Variants in TFDP2 observed in about 807,000 individuals in gnomAD.
TFDP2 encodes transcription factor Dp-2 (E2F dimerization partner 2).
A neutral mutation model predicts 59.3 loss-of-function variants in TFDP2; 17 were observed. That is an observed-to-expected ratio of 0.29 (90% CI 0.20 to 0.43). TFDP2 has a LOEUF of 0.43. Ranked by LOEUF, TFDP2 falls within the 20% of genes least tolerant of loss-of-function variation. The pLI is 1.00. For missense variants in TFDP2, 391 were observed against 528.8 expected (o/e 0.74, Z 2.56); for synonymous variants, 180 against 194.7 (o/e 0.92, Z 0.63).
chr3:142,055,447 T>TCA (rs1047455073), intron 3 of TFDP2, among the ~76,000 whole-genome samples: 3 of 152,182 alleles, frequency 2.0e-5, no homozygotes, highest in African/African-American at 7.2e-5. Context: ...CTAGGCAAGG[T>TCA]CACTTGTTTT....
chr3:142,045,217 G>C (rs567770200), intron 3 of TFDP2, among the ~76,000 whole-genome samples: 1 of 147,740 alleles, frequency 6.8e-6, no homozygotes, highest in Non-Finnish European at 1.5e-5. Flanking sequence ...GCAGTGGCAC[G>C]ATCACGATCT....
chr3:141,969,164 AC>A (rs1939201743), intron 9 of TFDP2, among the ~76,000 whole-genome samples: 1 of 73,082 alleles, frequency 1.4e-5, no homozygotes, highest in African/African-American at 1.0e-4. Context: ...TATATATATA[AC>A]ATATATATAT....
intron 3 of TFDP2, among the ~76,000 whole-genome samples, chr3:142,053,102 C>T (rs968573579): frequency 9.8e-5 from 15 of 152,302 alleles, no homozygotes; most frequent in African/African-American, 3.4e-4. Flanking sequence ...GCCACCGCGC[C>T]CAGCCCAGAT....
rs1157976475 is a variant in TFDP2, at chr3:141,951,599, A to G, written c.*914T>C. 1.3e-5 allele frequency: 2 copies of G among 152,670 alleles called. No homozygotes were observed. Among genetic ancestry groups the G allele is most frequent in the South Asian group, 2.1e-4 (1 of 4,832 alleles). 9.5% of individuals were successfully genotyped at this position (152,670 alleles called of 1,614,324 possible). On this transcript the variant is annotated 3_prime_UTR_variant, in exon 13 of 13. Coordinates refer to ENST00000489671, the MANE Select transcript of TFDP2 (RefSeq NM_001178139.2). ...ATTGCACACTGGGTGAGATCATACA[A>G]TTACTGCAGGGAACTGTAGGCAAGC...
intron 3 of TFDP2, among the ~76,000 whole-genome samples, chr3:142,019,765 TAGCCAC>T (rs535830506): frequency 0.015 from 2,283 of 152,240 alleles, 48 homozygotes; most frequent in Non-Finnish European, 0.016. Context: ...CCCCCTGAGT[TAGCCAC>T]TTTTAATGAA....
At chr3:142,039,988 C>T (rs1946880634) in intron 3 of TFDP2, among the ~76,000 whole-genome samples, 2 of 152,134 alleles carry the variant, frequency 1.3e-5, no homozygotes, top group African/African-American at 2.4e-5. Context: ...ATGTCACAGG[C>T]AATTGGCCTG....
chr3:142,026,869 C>T (rs969495627), intron 3 of TFDP2, among the ~76,000 whole-genome samples: 1 of 152,162 alleles, frequency 6.6e-6, no homozygotes, highest in Non-Finnish European at 1.5e-5. Context: ...CCAATCCAAG[C>T]TTATTATCTT....
At chr3:142,028,436 T>C (rs778413080) in intron 3 of TFDP2, 16 of 271,736 alleles carry the variant, frequency 5.9e-5, no homozygotes, top group Non-Finnish European at 7.8e-5. Flanking sequence ...CCCTGTAGTT[T>C]TTCTGTCTGC....
intron 1 of TFDP2, among the ~76,000 whole-genome samples, chr3:142,102,098 C>T (rs2061332094): frequency 6.6e-6 from 1 of 152,194 alleles, no homozygotes; most frequent in African/African-American, 2.4e-5. Context: ...TTAGGCTATG[C>T]TGCTTTAGAA....
intron 1 of TFDP2, among the ~76,000 whole-genome samples, chr3:142,132,282 A>G (rs1023332449): frequency 1.3e-5 from 2 of 150,202 alleles, no homozygotes; most frequent in Non-Finnish European, 2.9e-5. Flanking sequence ...AACATAGATT[A>G]GTAGTTTCCA....
At chr3:142,113,840 T>C (rs1001700357) in intron 1 of TFDP2, among the ~76,000 whole-genome samples, 2 of 152,168 alleles carry the variant, frequency 1.3e-5, no homozygotes, top group Admixed American at 6.5e-5. Context: ...AGCGTCATCA[T>C]GGTATTTAAT....
At chr3:142,022,365 T>C (rs1257255966) in intron 3 of TFDP2, among the ~76,000 whole-genome samples, 1 of 152,248 alleles carries the variant, frequency 6.6e-6, no homozygotes, top group Non-Finnish European at 1.5e-5. Context: ...TCTAGTACAC[T>C]GAACTTATTT....
intron 6 of TFDP2, among the ~76,000 whole-genome samples, chr3:141,987,218 G>A (rs939574598): frequency 7.9e-5 from 12 of 152,030 alleles, no homozygotes; most frequent in African/African-American, 2.4e-4. Context: ...CTTATGCCAA[G>A]TTGAAAGCTT....
intron 6 of TFDP2, among the ~76,000 whole-genome samples, chr3:141,979,544 G>A (rs1398481487): frequency 6.6e-6 from 1 of 152,132 alleles, no homozygotes; most frequent in Non-Finnish European, 1.5e-5. Context: ...GTGGAGGACA[G>A]TGATATTGAT....
intron 3 of TFDP2, among the ~76,000 whole-genome samples, chr3:142,068,003 T>TAAA (rs750432367): frequency 1.7e-5 from 2 of 115,866 alleles, no homozygotes; most frequent in Non-Finnish European, 1.8e-5. Context: ...GACTCTAGCT[T>TAAA]AAAAAAAAAA....
intron 1 of TFDP2, among the ~76,000 whole-genome samples, chr3:142,134,421 C>A (rs2062644583): frequency 6.6e-6 from 1 of 151,360 alleles, no homozygotes; most frequent in South Asian, 2.1e-4. Context: ...TTACCAAAAG[C>A]AGACTGGTTA....
At chr3:142,031,641 C>T (rs1946437624) in intron 3 of TFDP2, among the ~76,000 whole-genome samples, 2 of 152,144 alleles carry the variant, frequency 1.3e-5, no homozygotes, top group African/African-American at 4.8e-5. Context: ...GTAGAAAATC[C>T]ATTTAAACAT....
intron 6 of TFDP2, 45 bp from the exon 7 acceptor site, chr3:141,978,727 G>A (rs767463622): frequency 2.9e-6 from 4 of 1,388,480 alleles, no homozygotes; most frequent in South Asian, 1.5e-5. Flanking sequence ...ACATATTAGA[G>A]ACTTTCTTTA....
At chr3:142,000,157 C>A in intron 4 of TFDP2, 1 of 574,756 alleles carries the variant, frequency 1.7e-6, no homozygotes, top group Non-Finnish European at 3.2e-6. Context: ...CATAACAAAC[C>A]ACCTTAGACT....
Sources: allele counts gnomAD v4.1 joint callset (sites outside exome capture counted in the v4.1 genomes callset), GRCh38; gene constraint gnomAD v4.1.1; transcripts MANE v1.5; gene names NCBI Gene and HGNC (gene_info 2026-07-23, HGNC 2026-07-21).